GLRA2: variants seen among roughly 807,000 people sequenced by gnomAD.
GLRA2 encodes glycine receptor subunit alpha-2.
GLRA2 carries 11 observed loss-of-function variants against 31.6 expected under a neutral mutation model. The ratio of observed to expected loss-of-function variants is 0.35; its 90% CI spans 0.22 to 0.58. The LOEUF (loss-of-function observed/expected upper bound fraction) is 0.58. Among genes scored for constraint, GLRA2 ranks in the 20% least tolerant of loss-of-function variants. GLRA2 has a pLI of 0.84. For synonymous variants in GLRA2, 132 were observed against 134.0 expected (o/e 0.99, Z 0.10); for missense variants, 212 against 351.8 (o/e 0.60, Z 3.18).
chrX:14,557,666 T>C (rs1415811862), intron 2 of GLRA2, among the ~76,000 whole-genome samples: 2 of 111,530 alleles, frequency 1.8e-5, no homozygotes, highest in Non-Finnish European at 3.8e-5. Context: ...GGGGAGATTT[T>C]GTCTCACAGA....
At chrX:14,450,992 G>A in the GLRA2 span, among the ~76,000 whole-genome samples, 15 of 111,180 alleles carry the variant, frequency 1.3e-4, no homozygotes, top group Non-Finnish European at 2.6e-4. Context: ...GAGCCAACAT[G>A]CCCAGTCCTA....
intron 2 of GLRA2, among the ~76,000 whole-genome samples, chrX:14,550,531 T>G (rs149149499): frequency 0.014 from 1,523 of 110,823 alleles, 10 homozygotes; most frequent in Non-Finnish European, 0.023. Context: ...TGAAGTAGTA[T>G]TCTGTCATCT....
chrX:14,659,924 T>C (rs891019897), intron 7 of GLRA2, among the ~76,000 whole-genome samples: 1 of 112,205 alleles, frequency 8.9e-6, no homozygotes, highest in Non-Finnish European at 1.9e-5. Flanking sequence ...GCAAATTGGG[T>C]TCTGGCAAAT....
intron 8 of GLRA2, among the ~76,000 whole-genome samples, chrX:14,697,394 A>T (rs1209846442): frequency 8.9e-6 from 1 of 112,249 alleles, no homozygotes; most frequent in Non-Finnish European, 1.9e-5. Context: ...GGATTCTGTC[A>T]TAGGGTGATC....
chrX:14,715,848 A>G (rs1169158793), intron 8 of GLRA2, among the ~76,000 whole-genome samples: 1 of 111,988 alleles, frequency 8.9e-6, no homozygotes, highest in Admixed American at 9.5e-5. Flanking sequence ...GTTGAAAAGT[A>G]TTAAGTCTTG....
chrX:14,497,071 G>T, the GLRA2 span, among the ~76,000 whole-genome samples: 1 of 112,205 alleles, frequency 8.9e-6, no homozygotes, highest in Admixed American at 9.5e-5. Context: ...AACACCATGC[G>T]TCTGATATTT....
At chrX:14,573,810 G>A (rs2089916309) in intron 2 of GLRA2, among the ~76,000 whole-genome samples, 1 of 110,402 alleles carries the variant, frequency 9.1e-6, no homozygotes, top group South Asian at 3.9e-4. Flanking sequence ...TTTCTCATTG[G>A]TGGTCAGAGG....
chrX:14,623,211 CTT>C (rs1386515387), intron 7 of GLRA2, among the ~76,000 whole-genome samples: 12 of 111,913 alleles, frequency 1.1e-4, no homozygotes, highest in African/African-American at 3.6e-4. Context: ...TATCCTGAGA[CTT>C]TGCTGAAGTT....
At chrX:14,553,015 C>G (rs3027334) in intron 2 of GLRA2, among the ~76,000 whole-genome samples, 1 of 111,971 alleles carries the variant, frequency 8.9e-6, no homozygotes, top group East Asian at 2.8e-4. Context: ...AGAATGACCT[C>G]CTCAATTTCA....
the GLRA2 span, among the ~76,000 whole-genome samples, chrX:14,507,751 A>G: frequency 1.3e-5 from 1 of 79,924 alleles, no homozygotes; most frequent in Non-Finnish European, 2.3e-5. Flanking sequence ...GCTGGAGTGC[A>G]CTGGCACAAT....
intron 2 of GLRA2, among the ~76,000 whole-genome samples, chrX:14,561,221 C>A (rs1269374365): frequency 1.8e-5 from 2 of 112,382 alleles, no homozygotes; most frequent in Non-Finnish European, 3.7e-5. Context: ...TGACTTTGTT[C>A]ATGCTACAGA....
At chrX:14,561,191 C>G (rs2089729093) in intron 2 of GLRA2, among the ~76,000 whole-genome samples, 1 of 112,317 alleles carries the variant, frequency 8.9e-6, no homozygotes, top group Non-Finnish European at 1.9e-5. Context: ...GCCATCATTT[C>G]CCATCCATTC....
chrX:14,472,729 T>A, the GLRA2 span, among the ~76,000 whole-genome samples: 15 of 111,691 alleles, frequency 1.3e-4, no homozygotes, highest in Non-Finnish European at 2.1e-4. Flanking sequence ...TTTGGTCAAA[T>A]AAGTAGGCAT....
chrX:14,649,107 G>A (rs760527815), intron 7 of GLRA2, among the ~76,000 whole-genome samples: 9 of 110,314 alleles, frequency 8.2e-5, no homozygotes, highest in Non-Finnish European at 1.3e-4. Flanking sequence ...CCAACTATTC[G>A]GGAGGCTGAG....
At chrX:14,715,064 T>C (rs967047469) in intron 8 of GLRA2, among the ~76,000 whole-genome samples, 1 of 112,580 alleles carries the variant, frequency 8.9e-6, no homozygotes, top group African/African-American at 3.2e-5. Flanking sequence ...TGTAAACACA[T>C]ACATAAATGA....
At chrX:14,464,575 G>A in the GLRA2 span, among the ~76,000 whole-genome samples, 8 of 110,882 alleles carry the variant, frequency 7.2e-5, no homozygotes, top group Admixed American at 1.9e-4. Context: ...ATTTATTTTC[G>A]AGACGAAGTC....
the GLRA2 span, among the ~76,000 whole-genome samples, chrX:14,480,330 G>C: frequency 8.9e-6 from 1 of 111,949 alleles, no homozygotes; most frequent in African/African-American, 3.2e-5. Flanking sequence ...TTACTCTGTT[G>C]ATAGTTTCTT....
chrX:14,451,043 A>C, the GLRA2 span, among the ~76,000 whole-genome samples: 1 of 111,706 alleles, frequency 9.0e-6, no homozygotes, highest in Non-Finnish European at 1.9e-5. Flanking sequence ...CAAAAATTTC[A>C]TATCCTGCCA....
At chrX:14,555,340 T>C (rs1351169663) in intron 2 of GLRA2, among the ~76,000 whole-genome samples, 1 of 112,111 alleles carries the variant, frequency 8.9e-6, no homozygotes, top group Non-Finnish European at 1.9e-5. Context: ...TATTTCTCCT[T>C]TTATAAGATG....
Sources: gnomAD v4.1 joint callset for allele counts (sites outside exome capture counted in the v4.1 genomes callset) on GRCh38, gnomAD v4.1.1 for gene constraint, MANE v1.5 for transcripts, NCBI Gene and HGNC (gene_info 2026-07-23, HGNC 2026-07-21) for gene names.